EIF3H: variants seen among roughly 807,000 people sequenced by gnomAD.
EIF3H encodes eIF-3-gamma.
EIF3H carries 26 observed loss-of-function variants against 44.2 expected under a neutral mutation model. The observed-to-expected ratio is 0.59, with a 90% CI of 0.43 to 0.82. The LOEUF is 0.82. EIF3H is among the 40% of genes least tolerant of loss of function. The pLI is 0.00. For missense variants in EIF3H, 359 were observed against 432.8 expected (o/e 0.83, Z 1.51); for synonymous variants, 166 against 151.9 (o/e 1.09, Z -0.68).
intron 1 of EIF3H, among the ~76,000 whole-genome samples, chr8:116,749,983 T>C (rs1815299911): frequency 6.6e-6 from 1 of 152,302 alleles, no homozygotes; most frequent in Admixed American, 6.5e-5. Flanking sequence ...AACAAATGTG[T>C]TAAAACATCA....
chr8:116,749,721 T>C (rs149193497), intron 1 of EIF3H, among the ~76,000 whole-genome samples: 1 of 152,320 alleles, frequency 6.6e-6, no homozygotes, highest in African/African-American at 2.4e-5. Flanking sequence ...TCCACAAGAC[T>C]AGCTCTGAGT....
chr8:116,718,213 A>T (rs778097882), intron 2 of EIF3H, among the ~76,000 whole-genome samples: 1 of 152,148 alleles, frequency 6.6e-6, no homozygotes, highest in Non-Finnish European at 1.5e-5. Context: ...ATAATAATAA[A>T]AAAAAAATTA....
At chr8:116,736,487 C>T (rs1387800039) in intron 1 of EIF3H, among the ~76,000 whole-genome samples, 1 of 152,120 alleles carries the variant, frequency 6.6e-6, no homozygotes, top group East Asian at 1.9e-4. Context: ...CGGTGAAACC[C>T]CACCTCTACT....
chr8:116,748,497 C>A (rs1815276031), intron 1 of EIF3H, among the ~76,000 whole-genome samples: 1 of 152,186 alleles, frequency 6.6e-6, no homozygotes, highest in Non-Finnish European at 1.5e-5. Flanking sequence ...CTTTTCTCAC[C>A]AACACTCAAG....
chr8:116,708,365 A>G (rs1814508367), intron 2 of EIF3H, among the ~76,000 whole-genome samples: 1 of 152,048 alleles, frequency 6.6e-6, no homozygotes, highest in African/African-American at 2.4e-5. Flanking sequence ...ATAAACCTTC[A>G]TAGTCTTCCC....
At position 116,765,122 on chromosome 8, in the gene EIF3H, T is replaced by C. The variant is rs117165689; in HGVS notation, c.-27+393A>G. 1.1e-3 allele frequency among the ~76,000 whole-genome samples: 173 copies of C among 152,266 alleles called. 3 individuals carry two copies. In the East Asian group the frequency reaches 0.03, roughly 26 times the overall value. The stretch of plus-strand genomic sequence containing the variant: ...TGGTATCTCGTTTCTCTGTCTGTGG[T>C]GGGCGCATAGTTGGAGTAGAGAGTT... On this transcript the variant is annotated intron_variant, in intron 1 of 9. Coordinates refer to the EIF3H transcript ENST00000276682.
At chr8:116,652,984 T>C (rs916468707) in intron 5 of EIF3H, among the ~76,000 whole-genome samples, 3 of 152,176 alleles carry the variant, frequency 2.0e-5, no homozygotes, top group African/African-American at 7.2e-5. Context: ...AAGTCATTTA[T>C]GTCATTAATT....
chr8:116,758,861 G>A (rs1815486439), upstream of EIF3H, among the ~76,000 whole-genome samples: 1 of 152,162 alleles, frequency 6.6e-6, no homozygotes, highest in Admixed American at 6.5e-5. Context: ...AATGTGTGGG[G>A]CACAGATACA....
chr8:116,754,216 C>A (rs1815404565), intron 1 of EIF3H, among the ~76,000 whole-genome samples: 1 of 152,028 alleles, frequency 6.6e-6, no homozygotes, highest in African/African-American at 2.4e-5. Context: ...CAGGTTCAAG[C>A]GATTCTCCCG....
chr8:116,674,480 T>G (rs1274228452), intron 2 of EIF3H, among the ~76,000 whole-genome samples: 1 of 152,166 alleles, frequency 6.6e-6, no homozygotes, highest in Admixed American at 6.5e-5. Flanking sequence ...CCAGTCTATG[T>G]CATAACTCAA....
intron 1 of EIF3H, among the ~76,000 whole-genome samples, chr8:116,733,244 G>C (rs576907894): frequency 4.8e-4 from 73 of 152,256 alleles, no homozygotes; most frequent in African/African-American, 1.4e-3. Context: ...AGCTTCTCTG[G>C]GCCTGCATCC....
intron 2 of EIF3H, among the ~76,000 whole-genome samples, chr8:116,659,268 C>T (rs940002375): frequency 2.0e-5 from 3 of 152,174 alleles, no homozygotes; most frequent in Non-Finnish European, 4.4e-5. Context: ...AATGTGGCGT[C>T]TAACTCCCCT....
intron 2 of EIF3H, among the ~76,000 whole-genome samples, chr8:116,701,482 T>C (rs2130880799): frequency 6.6e-6 from 1 of 152,282 alleles, no homozygotes; most frequent in Middle Eastern, 3.4e-3. Flanking sequence ...TGGGCTGGAC[T>C]TAGTGACTCA....
intron 2 of EIF3H, among the ~76,000 whole-genome samples, chr8:116,720,901 A>ATCAT (rs746401338): frequency 1.4e-4 from 22 of 152,138 alleles, no homozygotes; most frequent in Non-Finnish European, 3.2e-4. Flanking sequence ...TGCTGTTAAA[A>ATCAT]TCATTCAGTT....
At chr8:116,743,794 ATATAAAC>A (rs1815176925) in intron 1 of EIF3H, among the ~76,000 whole-genome samples, 10 of 91,752 alleles carry the variant, frequency 1.1e-4, no homozygotes, top group South Asian at 3.5e-4. Context: ...ATATATATAT[ATATAAAC>A]ACACACACAC....
intron 1 of EIF3H, among the ~76,000 whole-genome samples, chr8:116,751,256 G>C (rs943298343): frequency 2.2e-5 from 3 of 138,816 alleles, no homozygotes; most frequent in African/African-American, 7.4e-5. Context: ...ATAAAAGTAT[G>C]AATGGTAGAC....
At position 116,726,178 on chromosome 8, in the gene EIF3H, A is replaced by G. The variant is rs1814834342; in HGVS notation, c.133-6T>C. 1.9e-6 allele frequency: 3 copies of G among 1,610,596 alleles called. No individual in the cohort carries two copies. Among genetic ancestry groups the G allele is most frequent in the Admixed American group, 1.7e-5 (1 of 59,768 alleles). ...TTGATTATCTTTAATACCACCTAAA[A>G]CATACACACACAGAAGGGAGCTTAA... On this transcript the variant is annotated splice_region_variant and splice_polypyrimidine_tract_variant and intron_variant, in intron 1 of 7. Transcript: ENST00000521861.
rs566310324 is a variant in EIF3H, at chr8:116,679,067, G to A, written c.290-20087C>T. Among the ~76,000 whole-genome samples the A allele has an allele frequency of 1.6e-3, 96 of 60,850 alleles. 3 individuals are homozygous for A. Among genetic ancestry groups the A allele is most frequent in the African/African-American group, 4.4e-3 (95 of 21,814 alleles). 39.9% of individuals were successfully genotyped at this position (60,850 alleles called of 152,430 possible). A position where few individuals can be genotyped will look rare whatever the true frequency, so the allele number is the denominator to read the frequency against. On this transcript the variant is annotated intron_variant, in intron 2 of 7. Coordinates refer to ENST00000521861, the MANE Select transcript of EIF3H (RefSeq NM_003756.3). Reference sequence around the variant, plus strand: ...CGCCTCTGCCCGGCCGCCCCTACTGGGAAGTGAGGAGTCCCTCTGCCCGGC... The same window carrying A: ...CGCCTCTGCCCGGCCGCCCCTACTGAGAAGTGAGGAGTCCCTCTGCCCGGC...
At chr8:116,714,282 T>C (rs1814623903) in intron 2 of EIF3H, among the ~76,000 whole-genome samples, 1 of 152,126 alleles carries the variant, frequency 6.6e-6, no homozygotes. Context: ...CATCTATCTA[T>C]AGAATCAAAC....
Sources: gnomAD v4.1 joint callset for allele counts (sites outside exome capture counted in the v4.1 genomes callset) on GRCh38, gnomAD v4.1.1 for gene constraint, MANE v1.5 for transcripts, NCBI Gene and HGNC (gene_info 2026-07-23, HGNC 2026-07-21) for gene names.